The following EGFR variants were observed in gnomAD, a reference collection of about 807,000 sequenced individuals.
EGFR encodes avian erythroblastic leukemia viral (v-erb-b) oncogene homolog.
EGFR carries 58 observed loss-of-function variants against 143.0 expected under a neutral mutation model. That is an observed-to-expected ratio of 0.41 (90% CI 0.33 to 0.50). The LOEUF is 0.50. Among genes scored for constraint, EGFR ranks in the 20% least tolerant of loss-of-function variants. EGFR has a pLI of 0.39. For synonymous variants in EGFR, 613 were observed against 594.4 expected (o/e 1.03, Z -0.45); for missense variants, 1,307 against 1,579.0 (o/e 0.83, Z 2.92).
intron 1 of EGFR, among the ~76,000 whole-genome samples, chr7:55,087,289 A>AT (rs1790827152): frequency 1.3e-5 from 2 of 151,546 alleles, no homozygotes; most frequent in African/African-American, 4.9e-5. Flanking sequence ...AAAAACAAAA[A>AT]AAAAAAAACC....
In EGFR at chr7:55,159,942, G is replaced by A. The variant is rs17289991; in HGVS notation, c.1299-197G>A. 0.021 allele frequency among the ~76,000 whole-genome samples: 3,142 copies of A among 152,264 alleles called. 43 individuals are homozygous for A. Among genetic ancestry groups the A allele is most frequent in the Middle Eastern group, 0.092 (27 of 294 alleles). ...GGGTTAAAGATACTAAATAAACAAG[G>A]AACTATCTTTTGCCTGGAGGAACTT... is the stretch of plus-strand genomic sequence containing the variant. On this transcript the variant is annotated intron_variant, in intron 11 of 27. Coordinates refer to ENST00000275493, the MANE Select transcript of EGFR (RefSeq NM_005228.5).
chr7:55,037,859 T>C (rs1334987799), intron 1 of EGFR, among the ~76,000 whole-genome samples: 1 of 152,218 alleles, frequency 6.6e-6, no homozygotes. Flanking sequence ...AGGAGATCTA[T>C]CTCAGTTCTG....
intron 20 of EGFR, chr7:55,188,938 G>T (rs547864222): frequency 6.6e-6 from 1 of 152,386 alleles, no homozygotes; most frequent in South Asian, 2.1e-4. Flanking sequence ...AACAGACACT[G>T]TGTAGAAATG....
intron 1 of EGFR, among the ~76,000 whole-genome samples, chr7:55,028,388 A>T (rs183124896): frequency 2.0e-5 from 3 of 152,314 alleles, no homozygotes; most frequent in African/African-American, 7.2e-5. Context: ...TGCTGGAATA[A>T]AAACAAACCA....
At chr7:55,071,624 G>T (rs974819030) in intron 1 of EGFR, among the ~76,000 whole-genome samples, 3 of 152,184 alleles carry the variant, frequency 2.0e-5, no homozygotes, top group Non-Finnish European at 4.4e-5. Context: ...TTTCTAGGCA[G>T]TCTTACCAGG....
At chr7:55,178,056 GC>G (rs764653382) in intron 19 of EGFR, among the ~76,000 whole-genome samples, 8 of 152,240 alleles carry the variant, frequency 5.3e-5, no homozygotes, top group African/African-American at 9.6e-5. Flanking sequence ...CGACACCCAC[GC>G]CCCCCGCTCT....
Position 55,155,864 on chromosome 7 carries a change from C to T in EGFR, c.924C>T (p.Val308=), listed in dbSNP as rs1204280975. ...NYVVTDHGSC[V]RACGADSYEM... is the part of the protein sequence containing the mutation. ...TGGTGACAGATCACGGCTCGTGCGTCCGAGCCTGTGGGGCCGACAGCTATG... is the reference window on the plus strand; with the variant it reads ...TGGTGACAGATCACGGCTCGTGCGTTCGAGCCTGTGGGGCCGACAGCTATG... Residue 308 remains valine (V), a synonymous_variant, in exon 8 of 28, where the codon GTC becomes GTT. Coordinates refer to ENST00000275493, the MANE Select transcript of EGFR (RefSeq NM_005228.5). The T allele has an allele frequency of 1.2e-6, 2 of 1,613,828 alleles. No homozygotes were observed. The highest frequency in any genetic ancestry group is 3.3e-5 in the Admixed American group (2 of 60,002).
chr7:55,147,566 T>G (rs1334447286), intron 4 of EGFR, among the ~76,000 whole-genome samples: 2 of 151,786 alleles, frequency 1.3e-5, no homozygotes, highest in African/African-American at 4.8e-5. Flanking sequence ...ACTACAGGGC[T>G]TTGGATTTTT....
At chr7:55,043,118 G>T (rs996568419) in intron 1 of EGFR, among the ~76,000 whole-genome samples, 2 of 152,118 alleles carry the variant, frequency 1.3e-5, no homozygotes, top group African/African-American at 4.8e-5. Flanking sequence ...GATCGGGCGC[G>T]TTCAAGGTGG....
rs865825533 is a variant in EGFR at position 55,205,385 on chromosome 7, G to T, written c.3401G>T (p.Gly1134Val). The change falls in exon 28 of 28, where the codon GGC becomes GTC. Residue 1134 changes from glycine (G) to valine (V), a missense_variant. By Grantham distance (109) the Gly-to-Val change is moderately radical (BLOSUM62 -3). Around this residue, in one of 7 missense-constraint regions of EGFR, gnomAD observed 313 missense variants for 312.3 expected, o/e 1.00. Coordinates refer to ENST00000275493, the MANE Select transcript of EGFR (RefSeq NM_005228.5). ...CAGGACCCCCACAGCACTGCAGTGG[G>T]CAACCCCGAGTATCTCAACACTGTC... ...HYQDPHSTAV[G>V]NPEYLNTVQP... 2 of 1,613,940 alleles carry T rather than the reference G, an allele frequency of 1.2e-6. No homozygotes were observed. Among genetic ancestry groups the T allele is most frequent in the Admixed American group, 3.3e-5 (2 of 59,988 alleles).
At chr7:55,078,319 G>GC (rs2128888281) in intron 1 of EGFR, among the ~76,000 whole-genome samples, 1 of 144,690 alleles carries the variant, frequency 6.9e-6, no homozygotes, top group South Asian at 2.4e-4. Flanking sequence ...CACCGCCACA[G>GC]CCCAGAGCGG....
intron 1 of EGFR, among the ~76,000 whole-genome samples, chr7:55,054,503 C>T (rs1224993382): frequency 6.6e-6 from 1 of 152,238 alleles, no homozygotes; most frequent in Non-Finnish European, 1.5e-5. Flanking sequence ...CCACTTTTTC[C>T]TGGCGCGCCC....
chr7:55,031,204 G>A lies in EGFR; in HGVS notation c.88+11839G>A, dbSNP rs568472497. Among the ~76,000 whole-genome samples, 12 of 152,312 alleles carry A rather than the reference G, an allele frequency of 7.9e-5. No individual in the cohort carries two copies. In the East Asian group the frequency reaches 1.2e-3, roughly 15 times the overall value. ...GAGAGGATTGCCAGGAGAACACATC[G>A]ATTTTTCAGGCCTGTGATGACGTAT... On this transcript the variant is annotated intron_variant, in intron 1 of 27. Transcript: ENST00000275493.
intron 22 of EGFR, among the ~76,000 whole-genome samples, chr7:55,194,163 T>G (rs1262604813): frequency 2.0e-5 from 3 of 151,462 alleles, no homozygotes; most frequent in Non-Finnish European, 4.4e-5. Context: ...CCTGCTGGTC[T>G]CCCCTCTTCC....
intron 1 of EGFR, among the ~76,000 whole-genome samples, chr7:55,076,196 C>A (rs1790123037): frequency 6.6e-6 from 1 of 152,120 alleles, no homozygotes; most frequent in Non-Finnish European, 1.5e-5. Context: ...ATTTTTCAAG[C>A]CTACACCTTG....
At chr7:55,111,179 G>A (rs755810981) in intron 1 of EGFR, among the ~76,000 whole-genome samples, 35 of 152,144 alleles carry the variant, frequency 2.3e-4, no homozygotes, top group Admixed American at 5.2e-4. Flanking sequence ...TGCCTGGCCC[G>A]CTGAGTCCTC....
At chr7:55,132,624 G>C (rs1793913907) in intron 1 of EGFR, among the ~76,000 whole-genome samples, 1 of 152,138 alleles carries the variant, frequency 6.6e-6, no homozygotes, top group Non-Finnish European at 1.5e-5. Context: ...TGGTAATGAG[G>C]AATATTGGTG....
chr7:55,168,616 T>G, intron 15 of EGFR: 2 of 1,590,652 alleles, frequency 1.3e-6, no homozygotes, highest in Non-Finnish European at 8.6e-7. Flanking sequence ...TCAAATAAAG[T>G]CCTGACACTA....
At chr7:55,087,949 A>G (rs898646055) in intron 1 of EGFR, among the ~76,000 whole-genome samples, 3 of 152,222 alleles carry the variant, frequency 2.0e-5, no homozygotes, top group Admixed American at 6.5e-5. Flanking sequence ...CAAAGGCAGC[A>G]CAGGTGTGTA....
Sources: allele counts gnomAD v4.1 joint callset (sites outside exome capture counted in the v4.1 genomes callset), GRCh38; gene constraint gnomAD v4.1.1; regional missense constraint gnomAD v4.1.1; transcripts MANE v1.5; gene names NCBI Gene and HGNC (gene_info 2026-07-23, HGNC 2026-07-21).